Variants in CAND1 observed in about 807,000 individuals in gnomAD.
The protein encoded by CAND1 is cullin associated and neddylation dissociated 1.
Under a neutral mutation model 108.5 loss-of-function variants are expected in CAND1, and 7 were observed. That is an observed-to-expected ratio of 0.06 (90% CI 0.04 to 0.12). The LOEUF (loss-of-function observed/expected upper bound fraction) is 0.12. CAND1 is among the 10% of genes least tolerant of loss of function. The pLI, the probability that CAND1 is intolerant of heterozygous loss-of-function variation, is 1.00. For synonymous variants in CAND1, 534 were observed against 512.0 expected (o/e 1.04, Z -0.58); for missense variants, 941 against 1,448.7 (o/e 0.65, Z 5.69).
chr12:67,298,563 A>G (rs12313282), intron 6 of CAND1, among the ~76,000 whole-genome samples: 10,606 of 152,170 alleles, frequency 0.07, 1,227 homozygotes, highest in African/African-American at 0.24. Context: ...CTCTCATTAC[A>G]TCGGTAGAAG....
intron 1 of CAND1, 179 bp downstream of exon 1, chr12:67,269,964 T>A: frequency 1.8e-6 from 1 of 553,470 alleles, no homozygotes; most frequent in Non-Finnish European, 3.2e-6. Flanking sequence ...TCTCCCCTCT[T>A]GCAACCCCCT....
intron 7 of CAND1, 81 bp from the exon 8 acceptor site, chr12:67,302,242 A>G (rs2044832021): frequency 1.5e-6 from 2 of 1,299,186 alleles, no homozygotes; most frequent in Middle Eastern, 2.8e-4. Context: ...GATTTGGTTA[A>G]GAATATCAAT....
At chr12:67,307,122 T>C (rs1309862443) in intron 10 of CAND1, among the ~76,000 whole-genome samples, 1 of 151,978 alleles carries the variant, frequency 6.6e-6, no homozygotes, top group Admixed American at 6.6e-5. Context: ...TTTAGCTAGT[T>C]CTATTTTGTG....
At chr12:67,299,808 TAA>T (rs2136011892) in intron 7 of CAND1, among the ~76,000 whole-genome samples, 1 of 152,302 alleles carries the variant, frequency 6.6e-6, no homozygotes, top group South Asian at 2.1e-4. Context: ...AACAAATATT[TAA>T]GTTGGTAAAT....
rs2044980596 is a variant in CAND1 at position 67,313,875 on chromosome 12, A to G, written c.*1045A>G. 1 of 152,596 alleles carries G rather than the reference A, an allele frequency of 6.6e-6. No individual in the cohort carries two copies. The highest frequency in any genetic ancestry group is 1.9e-4 in the East Asian group (1 of 5,198). 9.5% of individuals were successfully genotyped at this position (152,596 alleles called of 1,614,324 possible). A position where few individuals can be genotyped will look rare whatever the true frequency, so the allele number is the denominator to read the frequency against. ...GCCAGCTATCACAGGTTTGTTAGCTAATAATAGTATTTTCTTTTAGTTGAG... is the reference window on the plus strand; with the variant it reads ...GCCAGCTATCACAGGTTTGTTAGCTGATAATAGTATTTTCTTTTAGTTGAG... On this transcript the variant is annotated 3_prime_UTR_variant, in exon 15 of 15. Transcript: ENST00000545606.
chr12:67,275,193 T>C (rs2044557302), intron 1 of CAND1, among the ~76,000 whole-genome samples: 1 of 152,018 alleles, frequency 6.6e-6, no homozygotes, highest in Admixed American at 6.6e-5. Flanking sequence ...GAAGAAAGAT[T>C]AGTAAAAATT....
chr12:67,296,028 T>C (rs2044765650), intron 4 of CAND1, among the ~76,000 whole-genome samples: 1 of 152,148 alleles, frequency 6.6e-6, no homozygotes, highest in Admixed American at 6.5e-5. Flanking sequence ...AGGTGTAGAA[T>C]ACATAAGTAG....
chr12:67,278,857 TTTA>T (rs1275712563), intron 1 of CAND1, among the ~76,000 whole-genome samples: 8 of 152,138 alleles, frequency 5.3e-5, no homozygotes, highest in African/African-American at 1.9e-4. Flanking sequence ...CTTCATAGCA[TTTA>T]TCTTAGTTCT....
chr12:67,273,268 A>C (rs942686082), intron 1 of CAND1, among the ~76,000 whole-genome samples: 2 of 152,128 alleles, frequency 1.3e-5, no homozygotes, highest in Admixed American at 6.5e-5. Context: ...TTTTGCCAGA[A>C]AACATTTGTA....
Position 67,311,690 on chromosome 12 carries a change from T to C in CAND1, c.3361-3T>C. ...TAAATTCTGTCTTTTTTATTCCTAA[T>C]AGATGCTGACATTTTTAATGTTGGT... is the stretch of plus-strand genomic sequence containing the variant. On this transcript the variant is annotated splice_polypyrimidine_tract_variant and splice_region_variant and intron_variant, in intron 13 of 14. Transcript: ENST00000545606. 6.4e-7 allele frequency: 1 copy of C among 1,565,690 alleles called. No individual in the cohort carries two copies. Among genetic ancestry groups the C allele is most frequent in the African/African-American group, 1.4e-5 (1 of 74,026 alleles).
intron 8 of CAND1, among the ~76,000 whole-genome samples, chr12:67,302,949 G>A (rs1382871410): frequency 6.6e-6 from 1 of 152,054 alleles, no homozygotes. Context: ...GTGTGATCTT[G>A]GGCAAGTTAT....
chr12:67,300,970 C>T (rs990735936), intron 7 of CAND1, among the ~76,000 whole-genome samples: 5 of 151,946 alleles, frequency 3.3e-5, no homozygotes, highest in Admixed American at 6.6e-5. Flanking sequence ...ACTTTTCTAC[C>T]ATGGTGTTTT....
Position 67,297,615 on chromosome 12 carries a change from T to A in CAND1, c.700T>A (p.Tyr234Asn). The A allele has an allele frequency of 6.2e-7, 1 of 1,613,984 alleles. No individual in the cohort carries two copies. The highest frequency in any genetic ancestry group is 8.5e-7 in the Non-Finnish European group (1 of 1,179,886). Reference protein sequence around the residue: ...KNDSMSTTRTYIQCIAAISRQ... With the variant: ...KNDSMSTTRTNIQCIAAISRQ... ...TGATTCTATGTCAACAACAAGAACC[T>A]ACATACAATGTATTGCTGCTATTAG... Residue 234 changes from tyrosine to asparagine, a missense_variant, in exon 5 of 15, where the codon TAC (tyrosine) becomes AAC (asparagine). Transcript: ENST00000545606.
chr12:67,303,345 T>C (rs2044844574), intron 8 of CAND1, among the ~76,000 whole-genome samples: 1 of 152,182 alleles, frequency 6.6e-6, no homozygotes. Context: ...ACATACTGTA[T>C]CTATCTTGTT....
chr12:67,297,904 G>T, intron 6 of CAND1, 51 bp downstream of exon 6: 1 of 1,011,344 alleles, frequency 9.9e-7, no homozygotes, highest in Non-Finnish European at 1.5e-6. Flanking sequence ...CTTAAGAGTA[G>T]AATCATAAGG....
rs2044989471 is a variant in CAND1, at chr12:67,314,602, T to C, written c.*1772T>C. 6.6e-6 allele frequency: 1 copy of C among 152,248 alleles called. No homozygotes were observed. The highest frequency in any genetic ancestry group is 2.4e-5 in the African/African-American group (1 of 41,474). 9.4% of individuals were successfully genotyped at this position (152,248 alleles called of 1,614,324 possible). ...ATGGTTTTACAATAAATTACAATAC[T>C]GCAGGCTCTAGGACTGAACAGGAGA... On this transcript the variant is annotated 3_prime_UTR_variant, in exon 15 of 15. Transcript: ENST00000545606.
At chr12:67,301,927 A>G (rs2044828470) in intron 7 of CAND1, among the ~76,000 whole-genome samples, 1 of 152,012 alleles carries the variant, frequency 6.6e-6, no homozygotes, top group South Asian at 2.1e-4. Flanking sequence ...TGTTTGCTTG[A>G]TTTTTCCTAT....
chr12:67,285,932 C>G (rs2044666361), intron 2 of CAND1, among the ~76,000 whole-genome samples: 1 of 152,182 alleles, frequency 6.6e-6, no homozygotes. Context: ...ATGGATTTGA[C>G]TACTGTGAAT....
In CAND1 at chr12:67,279,141, T is replaced by C. The variant is rs1208915247; in HGVS notation, c.69-2769T>C. Among the ~76,000 whole-genome samples the C allele has an allele frequency of 2.0e-5, 3 of 151,456 alleles. No individual in the cohort carries two copies. The East Asian group carries it at 5.8e-4, about 29-fold the overall frequency. On this transcript the variant is annotated intron_variant, in intron 1 of 14. Coordinates refer to ENST00000545606, the MANE Select transcript of CAND1 (RefSeq NM_018448.5). Reference sequence around the variant, plus strand: ...ACATACTGAACTGTTTCCTTAGTCCTTCACTCTGAGGTGCTCTGTCCTTCC... The same window carrying C: ...ACATACTGAACTGTTTCCTTAGTCCCTCACTCTGAGGTGCTCTGTCCTTCC...
Sources: allele counts gnomAD v4.1 joint callset (sites outside exome capture counted in the v4.1 genomes callset), GRCh38; gene constraint gnomAD v4.1.1; transcripts MANE v1.5; gene names NCBI Gene and HGNC (gene_info 2026-07-23, HGNC 2026-07-21).